ROBO2: variants seen among roughly 807,000 people sequenced by gnomAD.
ROBO2 encodes the protein roundabout homolog 2.
Under a neutral mutation model 160.8 loss-of-function variants are expected in ROBO2, and 53 were observed. The observed-to-expected ratio is 0.33, with a 90% confidence interval of 0.26 to 0.41. The LOEUF is 0.41. ROBO2 is among the 10% of genes least tolerant of loss of function. ROBO2 has a pLI of 1.00. For synonymous variants in ROBO2, 664 were observed against 611.7 expected (o/e 1.09, Z -1.26); for missense variants, 1,577 against 1,722.4 (o/e 0.92, Z 1.49).
intron 2 of ROBO2, among the ~76,000 whole-genome samples, chr3:76,926,132 G>A (rs1452926506): frequency 6.6e-6 from 1 of 152,146 alleles, no homozygotes; most frequent in Non-Finnish European, 1.5e-5. Flanking sequence ...GAGTCCTAAA[G>A]TTGCTGACTT....
At chr3:75,957,141 T>G (rs1948747131) in intron 2 of ROBO2, among the ~76,000 whole-genome samples, 2 of 151,682 alleles carry the variant, frequency 1.3e-5, no homozygotes, top group South Asian at 4.1e-4. Context: ...TGCCTTAAAA[T>G]ATATCTAATG....
Position 77,551,018 on chromosome 3 carries a change from T to C in ROBO2, c.1231+29T>C, listed in dbSNP as rs745573204. The C allele has an allele frequency of 1.9e-6, 3 of 1,609,482 alleles. No individual in the cohort carries two copies. The South Asian group carries it at 3.3e-5, about 18-fold the overall frequency. On this transcript the variant is annotated intron_variant, in intron 8 of 25. Transcript: ENST00000461745. ...CGATATCTTTACTAGATTTGTCTTA[T>C]GAAAACATTGATTTTTATTTCTAGA...
At chr3:76,593,533 A>C (rs892122537) in intron 2 of ROBO2, among the ~76,000 whole-genome samples, 8 of 152,106 alleles carry the variant, frequency 5.3e-5, no homozygotes, top group Non-Finnish European at 1.0e-4. Flanking sequence ...CAGAACATGC[A>C]AATTAGTATG....
intron 2 of ROBO2, among the ~76,000 whole-genome samples, chr3:77,267,185 A>C (rs1580501564): frequency 6.6e-6 from 1 of 152,166 alleles, no homozygotes; most frequent in Admixed American, 6.6e-5. Flanking sequence ...TCTAGTTTGT[A>C]TGCTGTTTCA....
intron 2 of ROBO2, among the ~76,000 whole-genome samples, chr3:76,519,886 C>T (rs565920812): frequency 6.6e-6 from 1 of 152,248 alleles, no homozygotes; most frequent in East Asian, 1.9e-4. Flanking sequence ...AAGATCCATG[C>T]AACTTGAATG....
intron 2 of ROBO2, among the ~76,000 whole-genome samples, chr3:76,916,752 G>A (rs951950809): frequency 1.3e-5 from 2 of 151,822 alleles, no homozygotes; most frequent in African/African-American, 4.8e-5. Context: ...TCCTTCTAAG[G>A]TTATTCAAAA....
intron 2 of ROBO2, among the ~76,000 whole-genome samples, chr3:76,458,102 C>A (rs1225926797): frequency 6.6e-6 from 1 of 152,162 alleles, no homozygotes; most frequent in Non-Finnish European, 1.5e-5. Flanking sequence ...GTTCTGCAGC[C>A]AGCTTGAATT....
chr3:76,822,674 G>A (rs2066224121), intron 2 of ROBO2, among the ~76,000 whole-genome samples: 1 of 151,194 alleles, frequency 6.6e-6, no homozygotes, highest in Non-Finnish European at 1.5e-5. Flanking sequence ...AATATAGTAG[G>A]AGAACAGGAC....
intron 2 of ROBO2, among the ~76,000 whole-genome samples, chr3:76,267,703 CTTATATATGATAAA>C (rs1361426226): frequency 2.6e-5 from 4 of 151,920 alleles, no homozygotes; most frequent in Non-Finnish European, 4.4e-5. Flanking sequence ...TTTTTGTTTG[CTTATATATGATAAA>C]TATGGGATTA....
At chr3:77,446,683 C>T (rs1441836157) in intron 2 of ROBO2, among the ~76,000 whole-genome samples, 2 of 151,922 alleles carry the variant, frequency 1.3e-5, no homozygotes, top group Admixed American at 6.6e-5. Context: ...ATAATTTCTA[C>T]AATATATTAG....
intron 2 of ROBO2, among the ~76,000 whole-genome samples, chr3:76,724,684 T>A (rs267125): frequency 0.17 from 26,334 of 152,150 alleles, 2,569 homozygotes; most frequent in Non-Finnish European, 0.22. Flanking sequence ...ATTAAATATG[T>A]CCGTAGTAGG....
chr3:77,343,250 A>G (rs1365241021), intron 2 of ROBO2, among the ~76,000 whole-genome samples: 1 of 152,158 alleles, frequency 6.6e-6, no homozygotes, highest in East Asian at 1.9e-4. Flanking sequence ...AGTACCTTTG[A>G]CACAAATTGA....
intron 2 of ROBO2, among the ~76,000 whole-genome samples, chr3:77,026,163 TC>T (rs1174338635): frequency 6.6e-6 from 1 of 152,198 alleles, no homozygotes; most frequent in East Asian, 1.9e-4. Context: ...ATGATATAAC[TC>T]CAACTCCGTG....
chr3:76,963,418 T>C (rs954634386), intron 2 of ROBO2, among the ~76,000 whole-genome samples: 3 of 152,180 alleles, frequency 2.0e-5, no homozygotes, highest in Non-Finnish European at 4.4e-5. Flanking sequence ...AAAATTATGC[T>C]TATACCATGA....
At chr3:77,367,479 A>G (rs2071073007) in intron 2 of ROBO2, among the ~76,000 whole-genome samples, 1 of 152,098 alleles carries the variant, frequency 6.6e-6, no homozygotes. Context: ...ATAACTCAGA[A>G]TGGATCATAA....
intron 2 of ROBO2, among the ~76,000 whole-genome samples, chr3:77,431,554 C>A (rs2078773218): frequency 6.6e-6 from 1 of 152,098 alleles, no homozygotes; most frequent in African/African-American, 2.4e-5. Context: ...GCACATTATG[C>A]CTGAAATGAC....
chr3:77,323,984 G>A (rs2065089562), intron 2 of ROBO2, among the ~76,000 whole-genome samples: 1 of 152,044 alleles, frequency 6.6e-6, no homozygotes, highest in South Asian at 2.1e-4. Context: ...GTTTGTTTCT[G>A]TTAGTGTATA....
At chr3:76,223,637 C>T (rs1704114222) in intron 2 of ROBO2, among the ~76,000 whole-genome samples, 1 of 152,168 alleles carries the variant, frequency 6.6e-6, no homozygotes, top group Admixed American at 6.6e-5. Context: ...GGGAGTACAA[C>T]TTGTATTGCA....
chr3:77,447,317 T>A (rs969389692), intron 2 of ROBO2, among the ~76,000 whole-genome samples: 4 of 152,128 alleles, frequency 2.6e-5, no homozygotes, highest in African/African-American at 9.7e-5. Context: ...ATTCTGAATG[T>A]CAAGTGTTGG....
Sources: gnomAD v4.1 joint callset for allele counts (sites outside exome capture counted in the v4.1 genomes callset) on GRCh38, gnomAD v4.1.1 for gene constraint, MANE v1.5 for transcripts, NCBI Gene and HGNC (gene_info 2026-07-23, HGNC 2026-07-21) for gene names.